Variants in NELL1 observed in about 807,000 individuals in gnomAD.
The protein encoded by NELL1 is protein kinase C-binding protein NELL1.
A neutral mutation model predicts 107.4 loss-of-function variants in NELL1; 76 were observed. The ratio of observed to expected loss-of-function variants is 0.71; its 90% confidence interval spans 0.59 to 0.86. The LOEUF (loss-of-function observed/expected upper bound fraction) is 0.86, where lower values mean the gene tolerates loss of function less well. Ranked by LOEUF, NELL1 falls within the 40% of genes least tolerant of loss-of-function variation. NELL1 has a pLI of 0.00. For missense variants in NELL1, 1,024 were observed against 1,005.5 expected (o/e 1.02, Z -0.25); for synonymous variants, 353 against 341.2 (o/e 1.03, Z -0.38).
At chr11:21,194,299 A>G (rs1791847) in intron 13 of NELL1, among the ~76,000 whole-genome samples, 122,776 of 151,722 alleles carry the variant, frequency 0.81, 50,525 homozygotes, top group South Asian at 0.87. Context: ...ACAATGAATC[A>G]ATCAAGGCTT....
At chr11:21,435,814 G>A (rs892363664) in intron 15 of NELL1, among the ~76,000 whole-genome samples, 13 of 151,898 alleles carry the variant, frequency 8.6e-5, no homozygotes, top group Admixed American at 7.2e-4. Context: ...GTGTGTATGT[G>A]TGTCCATGTC....
At position 20,757,755 on chromosome 11, in the gene NELL1, A is replaced by C. The variant is rs1856328996; in HGVS notation, c.185-25925A>C. Among the ~76,000 whole-genome samples the C allele has an allele frequency of 2.0e-5, 3 of 152,154 alleles. No individual in the cohort carries two copies. The South Asian group carries it at 6.2e-4, about 32-fold the overall frequency. The stretch of plus-strand genomic sequence containing the variant: ...AAACCGATTTTACCTAAGCCCATGG[A>C]ATCTCCTGCCTCCAAAACCTGATTT... On this transcript the variant is annotated intron_variant, in intron 2 of 19. Coordinates refer to ENST00000357134, the MANE Select transcript of NELL1 (RefSeq NM_006157.5).
chr11:20,759,131 T>C (rs1284474689), intron 2 of NELL1, among the ~76,000 whole-genome samples: 1 of 152,218 alleles, frequency 6.6e-6, no homozygotes, highest in African/African-American at 2.4e-5. Flanking sequence ...ACAAACTCTG[T>C]CTTCCTCTAC....
At chr11:21,227,732 C>T (rs553101270) in intron 13 of NELL1, among the ~76,000 whole-genome samples, 43 of 152,220 alleles carry the variant, frequency 2.8e-4, no homozygotes, top group African/African-American at 1.0e-3. Flanking sequence ...CTTTTCTCAC[C>T]GTTTGCTAAC....
At chr11:20,823,430 A>G (rs542345953) in intron 3 of NELL1, among the ~76,000 whole-genome samples, 2 of 151,416 alleles carry the variant, frequency 1.3e-5, no homozygotes, top group East Asian at 3.9e-4. Context: ...GTGGGGACAC[A>G]GGGTCAAACC....
chr11:21,133,828 C>T (rs1466000834), intron 13 of NELL1, among the ~76,000 whole-genome samples: 2 of 152,138 alleles, frequency 1.3e-5, no homozygotes, highest in Non-Finnish European at 2.9e-5. Flanking sequence ...AACGGAGGCC[C>T]GGGTTCACAA....
rs35814405 is a variant in NELL1, at chr11:21,560,217, C to T, written c.1815C>T (p.His605=). ...TTGATGAATGTGCCTTAAGAACTCA[C>T]ACCTGTTGGAACGATTCTGCCTGCA... ...IDIDECALRT[H]TCWNDSACIN... The change falls in exon 17 of 20, where the codon CAC becomes CAT. Residue 605 remains histidine (H), a synonymous_variant. Transcript: ENST00000357134. The T allele has an allele frequency of 1.0e-3, 1,643 of 1,613,716 alleles. 19 individuals carry two copies. The African/African-American group carries it at 0.018, about 17-fold the overall frequency.
rs180947535 is a variant in NELL1, at chr11:20,827,941, C to T, written c.336-19642C>T. On this transcript the variant is annotated intron_variant, in intron 3 of 19. Coordinates refer to ENST00000357134, the MANE Select transcript of NELL1 (RefSeq NM_006157.5). Reference sequence around the variant, plus strand: ...TTAGTCCCAAAGGGAGACTGCTAACCGCTGTTGACTCTATGCTACCTACTC... The same window carrying T: ...TTAGTCCCAAAGGGAGACTGCTAACTGCTGTTGACTCTATGCTACCTACTC... Among the ~76,000 whole-genome samples, 547 of 151,258 alleles carry T rather than the reference C, an allele frequency of 3.6e-3. 8 individuals are homozygous for T. The highest frequency in any genetic ancestry group is 0.013 in the African/African-American group (527 of 41,464).
chr11:21,460,455 C>T (rs1301939403), intron 15 of NELL1, among the ~76,000 whole-genome samples: 2 of 152,046 alleles, frequency 1.3e-5, no homozygotes, highest in African/African-American at 4.8e-5. Flanking sequence ...CTAATTCTGC[C>T]TTGGTTATTG....
chr11:21,315,454 T>C (rs1436669605), intron 14 of NELL1, among the ~76,000 whole-genome samples: 2 of 152,130 alleles, frequency 1.3e-5, no homozygotes, highest in East Asian at 3.9e-4. Context: ...GGTTAAAGAA[T>C]GGACAGAACT....
intron 13 of NELL1, among the ~76,000 whole-genome samples, chr11:21,128,355 T>C (rs530831553): frequency 4.0e-4 from 61 of 152,274 alleles, no homozygotes; most frequent in Admixed American, 3.6e-3. Flanking sequence ...AATTAGCATT[T>C]TTCCCCCCTT....
At chr11:20,687,752 C>A (rs1854343756) in intron 2 of NELL1, among the ~76,000 whole-genome samples, 1 of 151,934 alleles carries the variant, frequency 6.6e-6, no homozygotes, top group Non-Finnish European at 1.5e-5. Flanking sequence ...CTACCACACC[C>A]AGCTAATTTT....
intron 15 of NELL1, among the ~76,000 whole-genome samples, chr11:21,404,180 A>AG (rs770044570): frequency 2.6e-5 from 4 of 151,826 alleles, no homozygotes; most frequent in Non-Finnish European, 4.4e-5. Flanking sequence ...GAAGAAGTAA[A>AG]GGGGGAAATA....
intron 15 of NELL1, among the ~76,000 whole-genome samples, chr11:21,441,330 CGTGT>C (rs201892977): frequency 0.12 from 16,856 of 138,900 alleles, 1,300 homozygotes; most frequent in Non-Finnish European, 0.17. Context: ...GAGGCTGTGA[CGTGT>C]GTGTGTGTGT....
At chr11:20,937,124 T>G (rs551191657) in intron 9 of NELL1, among the ~76,000 whole-genome samples, 1 of 152,186 alleles carries the variant, frequency 6.6e-6, no homozygotes, top group East Asian at 1.9e-4. Context: ...AAGAAATGAG[T>G]TTCAGTGCAA....
chr11:20,748,430 G>T (rs1290223717), intron 2 of NELL1, among the ~76,000 whole-genome samples: 1 of 152,128 alleles, frequency 6.6e-6, no homozygotes, highest in African/African-American at 2.4e-5. Context: ...TAGCTTTTGG[G>T]ATACAAAGTA....
At chr11:21,091,401 G>A (rs187179400) in intron 12 of NELL1, among the ~76,000 whole-genome samples, 6 of 152,248 alleles carry the variant, frequency 3.9e-5, no homozygotes, top group Admixed American at 2.6e-4. Flanking sequence ...AGCCAACAGC[G>A]AATGCATGGA....
intron 3 of NELL1, among the ~76,000 whole-genome samples, chr11:20,802,934 A>C (rs181482997): frequency 6.6e-6 from 1 of 152,292 alleles, no homozygotes; most frequent in African/African-American, 2.4e-5. Flanking sequence ...GTCATGATGA[A>C]TGATCTTTTT....
chr11:20,892,141 AGAACT>A (rs1163864296), intron 5 of NELL1, among the ~76,000 whole-genome samples: 1 of 152,246 alleles, frequency 6.6e-6, no homozygotes, highest in Non-Finnish European at 1.5e-5. Flanking sequence ...CAAATGCAAA[AGAACT>A]GAAATCATAA....
Sources: gnomAD v4.1 joint callset for allele counts (sites outside exome capture counted in the v4.1 genomes callset) on GRCh38, gnomAD v4.1.1 for gene constraint, MANE v1.5 for transcripts, NCBI Gene and HGNC (gene_info 2026-07-23, HGNC 2026-07-21) for gene names.